GGT5: variants seen among roughly 807,000 people sequenced by gnomAD.
The protein encoded by GGT5 is gamma-glutamyltransferase 5, also known as glutathione hydrolase 5 proenzyme.
In GGT5, 50 loss-of-function variants were observed where a neutral mutation model predicts 58.1. That is an observed-to-expected ratio of 0.86 (90% CI 0.69 to 1.09). The LOEUF is 1.09. Ranked by LOEUF, GGT5 falls within the 50% of genes least tolerant of loss-of-function variation. GGT5 has a pLI of 0.00. For missense variants in GGT5, 800 were observed against 789.4 expected (o/e 1.01, Z -0.16); for synonymous variants, 370 against 346.1 (o/e 1.07, Z -0.77).
Position 24,232,217 on chromosome 22 carries a change from T to TGGGGGGGGGGGG in GGT5, c.597-10_597-9insCCCCCCCCCCCC. 2.4e-6 allele frequency: 1 copy of TGGGGGGGGGGGG among 425,168 alleles called. No individual in the cohort carries two copies. The allele number at this position is 425,168 out of a possible 1,614,324, so 26.3% of individuals were successfully genotyped here. On this transcript the variant is annotated splice_polypyrimidine_tract_variant and intron_variant, in intron 4 of 11. Transcript: ENST00000327365. ...CGTTGAAGAAGAGCTGGCTGGGGGG[T>TGGGGGGGGGGGG]GGGGGGAGCCTCAGGGTGGGGCCAG...
chr22:24,225,383 G>T lies in GGT5; in HGVS notation c.1365C>A (p.Pro455=). 2.5e-6 allele frequency: 4 copies of T among 1,608,452 alleles called. No homozygotes were observed. Among genetic ancestry groups the T allele is most frequent in the Non-Finnish European group, 3.4e-6 (4 of 1,176,750 alleles). The change falls in exon 10 of 12, where the codon CCC becomes CCA. Residue 455 remains proline (P), a synonymous_variant. Transcript: ENST00000327365. ...PVSGDRVGGA[P]GRCWPPVPGE... The stretch of plus-strand genomic sequence containing the variant: ...CTGGAACTGGGGGCCAGCACCTTCC[G>T]GGAGCTCCACCCACCCTGTCTCCAC...
rs546449744 is a variant in GGT5 at position 24,227,777 on chromosome 22, G to T, written c.902-1010C>A. Among the ~76,000 whole-genome samples the T allele has an allele frequency of 1.5e-3, 225 of 151,978 alleles. 2 individuals are homozygous for T. Among genetic ancestry groups the T allele is most frequent in the South Asian group, 0.01 (49 of 4,792 alleles). On this transcript the variant is annotated intron_variant, in intron 6 of 11. Transcript: ENST00000327365. ...GCTGTGAAAATTTTCAAAATAGAGCGGCAGCCAGCCACAGTGGCTCACACC... is the reference window on the plus strand; with the variant it reads ...GCTGTGAAAATTTTCAAAATAGAGCTGCAGCCAGCCACAGTGGCTCACACC...
Position 24,238,957 on chromosome 22 carries a change from T to A in GGT5, c.174-4953A>T, listed in dbSNP as rs9608262. Reference sequence around the variant, plus strand: ...ATTATATAATATATATATATATATATAATATATATATAGCCCATGACACAG... The same window carrying A: ...ATTATATAATATATATATATATATAAAATATATATATAGCCCATGACACAG... On this transcript the variant is annotated intron_variant, in intron 1 of 11. Transcript: ENST00000327365. 8.9e-4 allele frequency among the ~76,000 whole-genome samples: 23 copies of A among 25,726 alleles called. 2 individuals carry two copies. Among genetic ancestry groups the A allele is most frequent in the South Asian group, 4.0e-3 (3 of 756 alleles). 16.9% of individuals were successfully genotyped at this position (25,726 alleles called of 152,430 possible). A position where few individuals can be genotyped will look rare whatever the true frequency, so the allele number is the denominator to read the frequency against.
chr22:24,227,785 G>C (rs1246074471), intron 6 of GGT5, among the ~76,000 whole-genome samples: 7 of 152,040 alleles, frequency 4.6e-5, no homozygotes, highest in African/African-American at 1.2e-4. Context: ...GCGGCAGCCA[G>C]CCACAGTGGC....
intron 11 of GGT5, among the ~76,000 whole-genome samples, chr22:24,224,663 A>G (rs2047696539): frequency 1.3e-5 from 2 of 152,246 alleles, no homozygotes; most frequent in African/African-American, 4.8e-5. Flanking sequence ...ACACAAGGAA[A>G]AAGTCACCAT....
At chr22:24,221,779 T>G (rs995813719) in intron 11 of GGT5, among the ~76,000 whole-genome samples, 8 of 151,784 alleles carry the variant, frequency 5.3e-5, no homozygotes, top group African/African-American at 1.9e-4. Flanking sequence ...GTGCTGGGAT[T>G]GTAGGCGGGA....
At position 24,238,442 on chromosome 22, in the gene GGT5, G is replaced by A. The variant is rs1601421763; in HGVS notation, c.174-4438C>T. ...CCCAGCTACTTGGGAGACTGAGGCA[G>A]GGGAACTGCTTGAACCAGGGAGGTG... is the stretch of plus-strand genomic sequence containing the variant. On this transcript the variant is annotated intron_variant, in intron 1 of 11. Coordinates refer to ENST00000327365, the MANE Select transcript of GGT5 (RefSeq NM_004121.5). 2.6e-5 allele frequency among the ~76,000 whole-genome samples: 4 copies of A among 151,376 alleles called. No homozygotes were observed. The South Asian group carries it at 8.3e-4, about 32-fold the overall frequency.
chr22:24,235,152 G>A lies in GGT5; in HGVS notation c.174-1148C>T, dbSNP rs368609192. Among the ~76,000 whole-genome samples, 13 of 142,202 alleles carry A rather than the reference G, an allele frequency of 9.1e-5. No homozygotes were observed. In the South Asian group the frequency reaches 1.2e-3, roughly 13 times the overall value. The allele number at this position is 142,202 out of a possible 152,430, so 93.3% of individuals were successfully genotyped here. On this transcript the variant is annotated intron_variant, in intron 1 of 11. Coordinates refer to ENST00000327365, the MANE Select transcript of GGT5 (RefSeq NM_004121.5). Reference sequence around the variant, plus strand: ...TTGGCTCATTGCAACCTCGCCTCCCGGATTCAAGCGATTCTCCTGCTTCAG... The same window carrying A: ...TTGGCTCATTGCAACCTCGCCTCCCAGATTCAAGCGATTCTCCTGCTTCAG...
rs1246426310 is a variant in GGT5 at position 24,232,905 on chromosome 22, C to A, written c.514G>T (p.Gly172Trp). The change falls in exon 4 of 12, where the codon GGG becomes TGG. Residue 172 changes from glycine (G) to tryptophan (W), a missense_variant. Transcript: ENST00000327365. ...LFQPTIALLR[G>W]GHVVAPVLSR... ...AGGACAGGGGCCACCACATGCCCCC[C>A]TCGGAGCAGCGCGATGGTGGGCTGG... 6.3e-7 allele frequency: 1 copy of A among 1,583,198 alleles called. No homozygotes were observed.
rs778920445 is a variant in GGT5, at chr22:24,233,569, C to T, written c.329G>A (p.Arg110Gln). Reference sequence around the variant, plus strand: ...GGCGTGGCTGGCCGGCACCGTCTCCCGGGCATTGATGACCTCCACCTTCCC... The same window carrying T: ...GGCGTGGCTGGCCGGCACCGTCTCCTGGGCATTGATGACCTCCACCTTCCC... ...TTGKVEVINA[R>Q]ETVPASHAPS... is the part of the protein sequence containing the mutation. The change falls in exon 3 of 12, where the codon CGG (arginine) becomes CAG (glutamine). Residue 110 changes from arginine (R) to glutamine (Q), a missense_variant. Physicochemically the swap from Arg to Gln is conservative, Grantham distance 43 (BLOSUM62 1). Coordinates refer to ENST00000327365, the MANE Select transcript of GGT5 (RefSeq NM_004121.5). 2.1e-5 allele frequency: 34 copies of T among 1,608,870 alleles called. No homozygotes were observed. The highest frequency in any genetic ancestry group is 3.3e-5 in the South Asian group (3 of 90,790).
In GGT5 at chr22:24,231,520, C is replaced by A; in HGVS notation, c.765G>T (p.Leu255=). 1 of 1,590,820 alleles carries A rather than the reference C, an allele frequency of 6.3e-7. No homozygotes were observed. The highest frequency in any genetic ancestry group is 8.6e-7 in the Non-Finnish European group (1 of 1,168,740). Residue 255 remains leucine, a synonymous_variant, in exon 6 of 12, where the codon CTG becomes CTT. Coordinates refer to ENST00000327365, the MANE Select transcript of GGT5 (RefSeq NM_004121.5). Reference sequence around the variant, plus strand: ...GGAACTTGGCCAGGTCCTGCAGCGTCAGCTGGCTCCCTGGGATGAGAAGGA... The same window carrying A: ...GGAACTTGGCCAGGTCCTGCAGCGTAAGCTGGCTCCCTGGGATGAGAAGGA... The part of the protein sequence containing the change: ...VEDIAKEGSQ[L]TLQDLAKFQP...
intron 6 of GGT5, among the ~76,000 whole-genome samples, chr22:24,227,449 G>A (rs950057021): frequency 2.6e-5 from 4 of 152,066 alleles, no homozygotes; most frequent in Admixed American, 1.3e-4. Context: ...GTTTTACTGT[G>A]TTGGCCAGGC....
intron 1 of GGT5, among the ~76,000 whole-genome samples, chr22:24,237,489 A>C (rs2048132267): frequency 6.6e-6 from 1 of 152,032 alleles, no homozygotes; most frequent in African/African-American, 2.4e-5. Context: ...GCTCACTGCA[A>C]CCTTCACCTC....
intron 2 of GGT5, 72 bp from the exon 3 acceptor site, chr22:24,233,665 T>C: frequency 1.1e-6 from 1 of 935,730 alleles, no homozygotes; most frequent in African/African-American, 1.6e-5. Flanking sequence ...AGGCCTCAGT[T>C]TCCATCTCTG....
At chr22:24,231,051 A>G (rs368446390) in intron 6 of GGT5, among the ~76,000 whole-genome samples, 1 of 152,128 alleles carries the variant, frequency 6.6e-6, no homozygotes, top group Non-Finnish European at 1.5e-5. Context: ...TCGCTCCCCC[A>G]GGTGCACGCC....
rs377558817 is a variant in GGT5, at chr22:24,244,625, G to A, written c.101C>T (p.Ala34Val). 1.2e-6 allele frequency: 2 copies of A among 1,612,712 alleles called. No homozygotes were observed. The highest frequency in any genetic ancestry group is 1.3e-5 in the African/African-American group (1 of 74,892). The change falls in exon 1 of 12, where the codon GCC becomes GTC. Residue 34 changes from alanine to valine, a missense_variant. By Grantham distance (64) the Ala-to-Val change is moderately conservative. Transcript: ENST00000327365. ...GGCAAAGGCCTGGGGGCCACATGGG[G>A]CCTGGTGTCGAGAGAGGACCACAGC... ...VLAVVLSRHQ[A>V]PCGPQAFAHA...
chr22:24,225,582 G>C lies in GGT5; in HGVS notation c.1300C>G (p.Arg434Gly). Residue 434 changes from arginine (R) to glycine (G), a missense_variant, in exon 9 of 12, where the codon CGA (arginine) becomes GGA (glycine). Physicochemically the swap from Arg to Gly is moderately radical, Grantham distance 125 (BLOSUM62 -2). Coordinates refer to ENST00000327365, the MANE Select transcript of GGT5 (RefSeq NM_004121.5). ...GTGGTGCCGGAACCCCGGGGGCATCGCTCGCATAAGTCCAGGAGCTCGTTG... is the reference window on the plus strand; with the variant it reads ...GTGGTGCCGGAACCCCGGGGGCATCCCTCGCATAAGTCCAGGAGCTCGTTG... The part of the protein sequence containing the change: ...LNNELLDLCE[R>G]CPRGSGTTPS... 1 of 1,612,806 alleles carries C rather than the reference G, an allele frequency of 6.2e-7. No homozygotes were observed. Among genetic ancestry groups the C allele is most frequent in the South Asian group, 1.1e-5 (1 of 91,056 alleles).
At chr22:24,220,697 A>G (rs1190713117) in intron 11 of GGT5, 1 of 455,194 alleles carries the variant, frequency 2.2e-6, no homozygotes, top group Non-Finnish European at 4.4e-6. Context: ...GGAGTTTGAG[A>G]ACAGCCAGGG....
chr22:24,220,206 T>A (rs1048973629), intron 11 of GGT5, 90 bp from the exon 12 acceptor site: 2 of 1,294,672 alleles, frequency 1.5e-6, no homozygotes, highest in Non-Finnish European at 2.2e-6. Context: ...AGAAAAATGA[T>A]CAAAAGGCAA....
Sources: gnomAD v4.1 joint callset for allele counts (sites outside exome capture counted in the v4.1 genomes callset) on GRCh38, gnomAD v4.1.1 for gene constraint, MANE v1.5 for transcripts, NCBI Gene and HGNC (gene_info 2026-07-23, HGNC 2026-07-21) for gene names.